Variants in CSMD1 observed in about 807,000 individuals in gnomAD.
CSMD1 encodes the protein CUB and sushi domain-containing protein 1.
Under a neutral mutation model 417.5 loss-of-function variants are expected in CSMD1, and 213 were observed. The ratio of observed to expected loss-of-function variants is 0.51; its 90% CI spans 0.46 to 0.57. The LOEUF (loss-of-function observed/expected upper bound fraction) is 0.57, where lower values mean the gene tolerates loss of function less well. CSMD1 is among the 20% of genes least tolerant of loss of function. CSMD1 has a pLI of 0.00. For synonymous variants in CSMD1, 2,862 were observed against 1,736.8 expected (o/e 1.65, Z -16.11); for missense variants, 6,923 against 4,529.7 (o/e 1.53, Z -15.17).
intron 2 of CSMD1, among the ~76,000 whole-genome samples, chr8:4,630,684 A>G (rs1168186337): frequency 1.3e-5 from 2 of 152,154 alleles, no homozygotes; most frequent in African/African-American, 4.8e-5. Flanking sequence ...GGTTTATCTG[A>G]GTGGACCAAA....
chr8:3,965,901 G>A (rs959974434), intron 5 of CSMD1, among the ~76,000 whole-genome samples: 1 of 152,166 alleles, frequency 6.6e-6, no homozygotes, highest in Non-Finnish European at 1.5e-5. Context: ...ACAGGTATGA[G>A]CCACCATGCC....
chr8:3,318,103 C>T (rs188355716), intron 23 of CSMD1, among the ~76,000 whole-genome samples: 32 of 152,312 alleles, frequency 2.1e-4, no homozygotes, highest in African/African-American at 7.0e-4. Flanking sequence ...ATTTGGCCTT[C>T]TCCCTGAATT....
chr8:4,763,256 G>A (rs546868121), intron 1 of CSMD1, among the ~76,000 whole-genome samples: 2 of 152,300 alleles, frequency 1.3e-5, no homozygotes, highest in African/African-American at 4.8e-5. Flanking sequence ...GACAAAGGAA[G>A]AACAGTCCTT....
intron 2 of CSMD1, among the ~76,000 whole-genome samples, chr8:4,545,424 C>A (rs139369608): frequency 6.6e-6 from 1 of 152,226 alleles, no homozygotes; most frequent in East Asian, 1.9e-4. Flanking sequence ...TAATAAGAGT[C>A]CTACATATTA....
At chr8:4,967,081 T>A (rs990154194) in intron 1 of CSMD1, among the ~76,000 whole-genome samples, 1 of 152,198 alleles carries the variant, frequency 6.6e-6, no homozygotes, top group Admixed American at 6.5e-5. Context: ...TAGTCACTGA[T>A]TTGAAATGTC....
intron 16 of CSMD1, among the ~76,000 whole-genome samples, chr8:3,397,794 A>C (rs567207110): frequency 1.7e-4 from 26 of 152,274 alleles, no homozygotes; most frequent in African/African-American, 5.8e-4. Flanking sequence ...TTGGAAACAG[A>C]AACATCTGGA....
At chr8:4,739,831 T>C (rs1404552139) in intron 1 of CSMD1, among the ~76,000 whole-genome samples, 1 of 152,164 alleles carries the variant, frequency 6.6e-6, no homozygotes, top group African/African-American at 2.4e-5. Flanking sequence ...TCTTTCCATG[T>C]CTGGCCCCCA....
intron 5 of CSMD1, among the ~76,000 whole-genome samples, chr8:3,955,704 G>C (rs80118275): frequency 0.018 from 2,701 of 151,944 alleles, 59 homozygotes; most frequent in South Asian, 0.086. Flanking sequence ...TGAATACGTG[G>C]ACACAAAGAT....
chr8:3,135,946 G>T (rs967212009), intron 41 of CSMD1, among the ~76,000 whole-genome samples: 2 of 152,196 alleles, frequency 1.3e-5, no homozygotes, highest in East Asian at 1.9e-4. Flanking sequence ...GGGGCAAAAA[G>T]AATTCAGGTG....
At chr8:3,697,674 A>C (rs1051196275) in intron 7 of CSMD1, among the ~76,000 whole-genome samples, 4 of 152,182 alleles carry the variant, frequency 2.6e-5, no homozygotes, top group Non-Finnish European at 5.9e-5. Context: ...AATCCTCCAG[A>C]GGTTCAGAGA....
intron 1 of CSMD1, among the ~76,000 whole-genome samples, chr8:4,855,130 G>A (rs1801716885): frequency 6.6e-6 from 1 of 151,580 alleles, no homozygotes; most frequent in Non-Finnish European, 1.5e-5. Flanking sequence ...AGCCTAACTG[G>A]GAGGCACCCC....
intron 42 of CSMD1, among the ~76,000 whole-genome samples, chr8:3,114,233 G>C (rs1163650314): frequency 6.6e-6 from 1 of 152,046 alleles, no homozygotes; most frequent in Non-Finnish European, 1.5e-5. Context: ...AACAGCCTGA[G>C]ACTCCATCTC....
At chr8:3,837,852 G>A (rs1318714215) in intron 5 of CSMD1, among the ~76,000 whole-genome samples, 3 of 152,066 alleles carry the variant, frequency 2.0e-5, no homozygotes, top group Non-Finnish European at 4.4e-5. Context: ...TATTGCCACA[G>A]CTTCATTCCA....
rs907319815 is a variant in CSMD1, at chr8:4,855,116, G to A, written c.85+139216C>T. On this transcript the variant is annotated intron_variant, in intron 1 of 69. Coordinates refer to ENST00000635120, the MANE Select transcript of CSMD1 (RefSeq NM_033225.6). ...AGTGGGTCCCTGACCCCTGACCCCCGAGCAGCCTAACTGGGAGGCACCCCC... is the reference window on the plus strand; with the variant it reads ...AGTGGGTCCCTGACCCCTGACCCCCAAGCAGCCTAACTGGGAGGCACCCCC... 2.6e-4 allele frequency among the ~76,000 whole-genome samples: 40 copies of A among 151,866 alleles called. No homozygotes were observed. The South Asian group carries it at 4.4e-3, about 17-fold the overall frequency.
At chr8:3,104,801 G>A (rs1816014676) in intron 46 of CSMD1, among the ~76,000 whole-genome samples, 1 of 150,566 alleles carries the variant, frequency 6.6e-6, no homozygotes, top group Non-Finnish European at 1.5e-5. Flanking sequence ...TCCACCTCCT[G>A]GGTTCAAGCA....
At chr8:3,126,945 T>A (rs373829168) in intron 41 of CSMD1, among the ~76,000 whole-genome samples, 1 of 152,192 alleles carries the variant, frequency 6.6e-6, no homozygotes, top group South Asian at 2.1e-4. Context: ...ACGGGTCTAC[T>A]GATGCACGCT....
At chr8:4,899,203 A>G (rs1329060525) in intron 1 of CSMD1, among the ~76,000 whole-genome samples, 1 of 152,222 alleles carries the variant, frequency 6.6e-6, no homozygotes, top group Non-Finnish European at 1.5e-5. Context: ...TCCTATCGGA[A>G]GAAACATCAT....
At chr8:4,303,147 A>T (rs959243007) in intron 3 of CSMD1, among the ~76,000 whole-genome samples, 1 of 152,174 alleles carries the variant, frequency 6.6e-6, no homozygotes, top group Non-Finnish European at 1.5e-5. Flanking sequence ...AGGAACTAAA[A>T]CTTCCCTCAA....
At chr8:4,866,590 T>A (rs1019915328) in intron 1 of CSMD1, among the ~76,000 whole-genome samples, 2 of 151,948 alleles carry the variant, frequency 1.3e-5, no homozygotes, top group Non-Finnish European at 2.9e-5. Context: ...CTTTCCCCAA[T>A]GACACACAAC....
Sources: gnomAD v4.1 joint callset for allele counts (sites outside exome capture counted in the v4.1 genomes callset) on GRCh38, gnomAD v4.1.1 for gene constraint, MANE v1.5 for transcripts, NCBI Gene and HGNC (gene_info 2026-07-23, HGNC 2026-07-21) for gene names.